Variants in CTNNA3 observed in about 807,000 individuals in gnomAD.
CTNNA3 encodes catenin alpha 3.
Under a neutral mutation model 95.7 loss-of-function variants are expected in CTNNA3, and 76 were observed. The ratio of observed to expected loss-of-function variants is 0.79; its 90% CI spans 0.66 to 0.96. The LOEUF is 0.96. Ranked by LOEUF, CTNNA3 falls within the 40% of genes least tolerant of loss-of-function variation. The pLI is 0.00. For missense variants in CTNNA3, 1,191 were observed against 1,089.8 expected, an observed-to-expected ratio of 1.09 and a Z score of -1.31; for synonymous variants, 431 against 374.4, an observed-to-expected ratio of 1.15 and a Z score of -1.74.
intron 5 of CTNNA3, among the ~76,000 whole-genome samples, chr10:67,376,538 A>G (rs1332627873): frequency 6.6e-6 from 1 of 152,234 alleles, no homozygotes; most frequent in Non-Finnish European, 1.5e-5. Context: ...AAGGACTACA[A>G]ATCTAATTCA....
chr10:66,506,228 T>C (rs1048342917), intron 11 of CTNNA3, among the ~76,000 whole-genome samples: 1 of 152,176 alleles, frequency 6.6e-6, no homozygotes, highest in Non-Finnish European at 1.5e-5. Flanking sequence ...CACCTCCCAT[T>C]AGGCACTGCA....
intron 11 of CTNNA3, among the ~76,000 whole-genome samples, chr10:66,495,883 C>T (rs1336822814): frequency 2.0e-5 from 3 of 152,068 alleles, no homozygotes; most frequent in Non-Finnish European, 4.4e-5. Flanking sequence ...ATCTTGAATT[C>T]CTGACCTCAA....
intron 5 of CTNNA3, among the ~76,000 whole-genome samples, chr10:67,268,512 T>C (rs1310744584): frequency 6.6e-6 from 1 of 152,002 alleles, no homozygotes; most frequent in Non-Finnish European, 1.5e-5. Flanking sequence ...AGACCCAGCC[T>C]CTGAACAAAC....
intron 10 of CTNNA3, among the ~76,000 whole-genome samples, chr10:66,562,808 C>T (rs1190913459): frequency 6.6e-6 from 1 of 151,636 alleles, no homozygotes; most frequent in Non-Finnish European, 1.5e-5. Context: ...ATATTTTGTT[C>T]TAAGAAGTTT....
chr10:66,535,589 T>C (rs887419675), intron 10 of CTNNA3, among the ~76,000 whole-genome samples: 3 of 152,144 alleles, frequency 2.0e-5, no homozygotes, highest in African/African-American at 7.2e-5. Flanking sequence ...TGTAATGGAT[T>C]AGGAAGAACT....
intron 7 of CTNNA3, among the ~76,000 whole-genome samples, chr10:67,052,879 C>T (rs1474681953): frequency 1.3e-5 from 2 of 152,032 alleles, no homozygotes; most frequent in Non-Finnish European, 2.9e-5. Context: ...ATGTAAGTTT[C>T]GTAAATTCTA....
chr10:66,845,754 T>TACACACACAC (rs140313786), intron 7 of CTNNA3, among the ~76,000 whole-genome samples: 3,769 of 108,170 alleles, frequency 0.035, 90 homozygotes, highest in Non-Finnish European at 0.048. Context: ...TATATATACA[T>TACACACACAC]ACACACACAC....
intron 5 of CTNNA3, among the ~76,000 whole-genome samples, chr10:67,241,070 C>T (rs1171444695): frequency 6.6e-6 from 1 of 152,150 alleles, no homozygotes; most frequent in East Asian, 1.9e-4. Context: ...GTACTTAATG[C>T]ATCCTTTCCA....
intron 15 of CTNNA3, among the ~76,000 whole-genome samples, chr10:66,042,204 C>G (rs1359370544): frequency 6.6e-6 from 1 of 152,148 alleles, no homozygotes; most frequent in Non-Finnish European, 1.5e-5. Flanking sequence ...GACATCCGCT[C>G]TCAACCCATT....
intron 5 of CTNNA3, among the ~76,000 whole-genome samples, chr10:67,232,705 C>T (rs886249253): frequency 5.3e-5 from 8 of 151,710 alleles, no homozygotes; most frequent in African/African-American, 1.9e-4. Flanking sequence ...AATTAAAAGA[C>T]ACAGACTGGC....
intron 13 of CTNNA3, among the ~76,000 whole-genome samples, chr10:66,125,690 C>A (rs1272015577): frequency 6.6e-6 from 1 of 152,120 alleles, no homozygotes; most frequent in African/African-American, 2.4e-5. Context: ...AACTATCAAG[C>A]TATGAGAACA....
intron 7 of CTNNA3, among the ~76,000 whole-genome samples, chr10:66,860,596 T>C (rs1455752006): frequency 6.6e-6 from 1 of 152,190 alleles, no homozygotes; most frequent in African/African-American, 2.4e-5. Context: ...TTCTAAGCAA[T>C]GTTTCTCTGT....
chr10:67,365,819 A>G (rs925850193), intron 5 of CTNNA3, among the ~76,000 whole-genome samples: 3 of 152,190 alleles, frequency 2.0e-5, no homozygotes, highest in Non-Finnish European at 4.4e-5. Flanking sequence ...ACAGTGTGGC[A>G]ATTCCTCAAG....
chr10:66,867,421 G>C (rs1473368098), intron 7 of CTNNA3, among the ~76,000 whole-genome samples: 1 of 151,990 alleles, frequency 6.6e-6, no homozygotes, highest in African/African-American at 2.4e-5. Flanking sequence ...ATTGCATATT[G>C]TCCTCACATT....
chr10:65,955,783 A>G (rs1786915), intron 17 of CTNNA3, among the ~76,000 whole-genome samples: 59,569 of 151,948 alleles, frequency 0.39, 12,465 homozygotes, highest in African/African-American at 0.53. Context: ...CGCTGGATTC[A>G]GTTTGCCAGT....
chr10:66,891,186 G>A (rs1371597707), intron 7 of CTNNA3, among the ~76,000 whole-genome samples: 2 of 152,128 alleles, frequency 1.3e-5, no homozygotes, highest in Admixed American at 1.3e-4. Context: ...CATCAAAGAT[G>A]TTAATATAGA....
chr10:67,581,431 CT>C (rs1842392176), intron 3 of CTNNA3, among the ~76,000 whole-genome samples: 1 of 152,148 alleles, frequency 6.6e-6, no homozygotes, highest in Admixed American at 6.5e-5. Context: ...GGTGGATAAG[CT>C]TTTTGATGTG....
At chr10:66,910,654 A>T (rs1200366619) in intron 7 of CTNNA3, among the ~76,000 whole-genome samples, 1 of 152,192 alleles carries the variant, frequency 6.6e-6, no homozygotes, top group African/African-American at 2.4e-5. Flanking sequence ...GGCGAGCAAA[A>T]ACCATGAATA....
chr10:67,415,379 A>C (rs573858780), intron 5 of CTNNA3, among the ~76,000 whole-genome samples: 3 of 152,316 alleles, frequency 2.0e-5, no homozygotes, highest in African/African-American at 7.2e-5. Flanking sequence ...AGTAAAATCT[A>C]GAACACAATT....
Sources: allele counts gnomAD v4.1 joint callset (sites outside exome capture counted in the v4.1 genomes callset), GRCh38; gene constraint gnomAD v4.1.1; transcripts MANE v1.5; gene names NCBI Gene and HGNC (gene_info 2026-07-23, HGNC 2026-07-21).